KANSL1: variants seen among roughly 807,000 people sequenced by gnomAD.
KANSL1 encodes MLL1/MLL complex subunit KANSL1.
KANSL1 carries 22 observed loss-of-function variants against 103.6 expected under a neutral mutation model. The ratio of observed to expected loss-of-function variants is 0.21; its 90% confidence interval spans 0.15 to 0.30. The LOEUF (loss-of-function observed/expected upper bound fraction) is 0.30. Ranked by LOEUF, KANSL1 falls within the 10% of genes least tolerant of loss-of-function variation. The pLI, the probability that KANSL1 is intolerant of heterozygous loss-of-function variation, is 1.00. For missense variants in KANSL1, 1,337 were observed against 1,399.8 expected (o/e 0.96, Z 0.72); for synonymous variants, 600 against 527.6 (o/e 1.14, Z -1.88).
rs1343422507 is a variant in KANSL1, at chr17:46,171,341, G to A, written c.803C>T (p.Ser268Phe). Residue 268 changes from serine (S) to phenylalanine (F), a missense_variant, in exon 2 of 15, where the codon TCT (serine) becomes TTT (phenylalanine). Around this residue, in one of 2 missense-constraint regions of KANSL1, gnomAD observed 557 missense variants for 476.4 expected, o/e 1.17. Transcript: ENST00000432791. ...LGGVKLEGKK[S>F]PLSSILFSAL... The stretch of plus-strand genomic sequence containing the variant: ...ACTGAAAAGAATGGAAGACAGGGGA[G>A]ACTTTTTACCCTCCAATTTGACACC... The A allele has an allele frequency of 4.3e-6, 7 of 1,614,060 alleles. No homozygotes were observed. In the Admixed American group the frequency reaches 1.0e-4, roughly 23 times the overall value.
intron 2 of KANSL1, among the ~76,000 whole-genome samples, chr17:46,152,582 A>AGG (rs35438677): frequency 6.0e-4 from 60 of 100,648 alleles, no homozygotes; most frequent in Middle Eastern, 5.6e-3. Flanking sequence ...ATAGACACAA[A>AGG]GGGGGGGGGG....
intron 1 of KANSL1, among the ~76,000 whole-genome samples, chr17:46,185,792 T>C (rs1567782188): frequency 6.7e-6 from 1 of 149,672 alleles, no homozygotes; most frequent in Non-Finnish European, 1.5e-5. Flanking sequence ...GAAGTCAAGG[T>C]GGGAGGACTG....
At chr17:46,134,943 A>AG (rs1325650753) in intron 2 of KANSL1, among the ~76,000 whole-genome samples, 2 of 152,150 alleles carry the variant, frequency 1.3e-5, no homozygotes, top group Admixed American at 1.3e-4. Context: ...TTCAAAGTGT[A>AG]GGGGGGTCTG....
chr17:46,134,434 C>T (rs185209143), intron 2 of KANSL1, among the ~76,000 whole-genome samples: 11 of 152,122 alleles, frequency 7.2e-5, no homozygotes, highest in South Asian at 4.1e-4. Flanking sequence ...ACACATTAAA[C>T]GTTTATAATG....
chr17:46,185,922 T>C (rs2147871534), intron 1 of KANSL1, among the ~76,000 whole-genome samples: 1 of 152,270 alleles, frequency 6.6e-6, no homozygotes, highest in African/African-American at 2.4e-5. Context: ...CCTACTTCTA[T>C]GCTAGCACTG....
At chr17:46,152,540 G>A (rs994727039) in intron 2 of KANSL1, among the ~76,000 whole-genome samples, 24 of 138,836 alleles carry the variant, frequency 1.7e-4, no homozygotes, top group African/African-American at 6.2e-4. Context: ...CAGGATGACA[G>A]GCCCTGAATT....
chr17:46,193,784 TG>T, upstream of KANSL1: 2 of 170,116 alleles, frequency 1.2e-5, no homozygotes, highest in Non-Finnish European at 2.6e-5. Flanking sequence ...CCCTCCGTGC[TG>T]GGGCCGGCGG....
At chr17:46,182,784 T>C (rs1321319379) in intron 1 of KANSL1, among the ~76,000 whole-genome samples, 4 of 152,342 alleles carry the variant, frequency 2.6e-5, no homozygotes, top group Admixed American at 6.5e-5. Flanking sequence ...AACTATGAAG[T>C]TGCAGGGGCA....
chr17:46,156,346 C>CA (rs201101055), intron 2 of KANSL1, among the ~76,000 whole-genome samples: 1,841 of 152,104 alleles, frequency 0.012, 21 homozygotes, highest in Non-Finnish European at 0.021. Context: ...GATTCTGTCT[C>CA]AAAAAAACAT....
At chr17:46,155,436 G>T (rs1344762085) in intron 2 of KANSL1, among the ~76,000 whole-genome samples, 1 of 152,176 alleles carries the variant, frequency 6.6e-6, no homozygotes, top group Non-Finnish European at 1.5e-5. Context: ...GAGATTACAG[G>T]TGTGAACCGC....
At chr17:46,095,730 T>C (rs1283780620) in intron 2 of KANSL1, among the ~76,000 whole-genome samples, 1 of 152,144 alleles carries the variant, frequency 6.6e-6, no homozygotes, top group Non-Finnish European at 1.5e-5. Flanking sequence ...GAAAATCTAA[T>C]AAAGTTAAAA....
intron 2 of KANSL1, among the ~76,000 whole-genome samples, chr17:46,153,499 A>C (rs1443571740): frequency 6.6e-6 from 1 of 152,252 alleles, no homozygotes; most frequent in Non-Finnish European, 1.5e-5. Flanking sequence ...TGAAAACAGA[A>C]CAGCATGGGA....
intron 6 of KANSL1, among the ~76,000 whole-genome samples, chr17:46,052,964 C>A (rs10775403): frequency 0.23 from 7,544 of 32,938 alleles, 627 homozygotes; most frequent in African/African-American, 0.4. Context: ...ATCCTGTCTC[C>A]AAAAAAAAAA....
chr17:46,150,839 T>C (rs1213396059), intron 2 of KANSL1, among the ~76,000 whole-genome samples: 3 of 150,130 alleles, frequency 2.0e-5, no homozygotes, highest in African/African-American at 7.4e-5. Context: ...AAACTAGGAA[T>C]AACGACTACA....
intron 3 of KANSL1, 74 bp downstream of exon 3, chr17:46,094,486 T>G: frequency 6.6e-7 from 1 of 1,506,202 alleles, no homozygotes; most frequent in Non-Finnish European, 9.1e-7. Context: ...GGTTACGAGG[T>G]GGGAGGGGAT....
chr17:46,199,901 T>G (rs2047737974), intron 1 of KANSL1, among the ~76,000 whole-genome samples: 1 of 152,220 alleles, frequency 6.6e-6, no homozygotes, highest in Non-Finnish European at 1.5e-5. Context: ...CATCAGCTAT[T>G]GTTAAAATCT....
chr17:46,067,566 G>A lies in KANSL1; in HGVS notation c.1635C>T (p.Val545=), dbSNP rs1302273889. ...AAACTTACGTGTTAATAACTCCATT[G>A]ACAGGTCTGAGTGCTCCACATGATT... ...STKSCGALRP[V]NGVINTLQPV... The change falls in exon 5 of 15, where the codon GTC becomes GTT. Residue 545 remains valine, a synonymous_variant. Transcript: ENST00000432791. The A allele has an allele frequency of 6.3e-7, 1 of 1,591,654 alleles. No homozygotes were observed. Among genetic ancestry groups the A allele is most frequent in the Admixed American group, 1.7e-5 (1 of 59,978 alleles).
chr17:46,183,562 G>GGAGGAGA (rs369462772), intron 1 of KANSL1, among the ~76,000 whole-genome samples: 66 of 111,896 alleles, frequency 5.9e-4, no homozygotes, highest in Admixed American at 1.1e-3. Flanking sequence ...AGAGGAGAGG[G>GGAGGAGA]GAGGAGAGAG....
intron 2 of KANSL1, among the ~76,000 whole-genome samples, chr17:46,137,281 G>A (rs2044195082): frequency 6.6e-6 from 1 of 152,172 alleles, no homozygotes; most frequent in Non-Finnish European, 1.5e-5. Context: ...TCATGCTAAA[G>A]CATTTTCTTA....
Sources: gnomAD v4.1 joint callset for allele counts (sites outside exome capture counted in the v4.1 genomes callset) on GRCh38, gnomAD v4.1.1 for gene constraint, gnomAD v4.1.1 regional missense constraint, MANE v1.5 for transcripts, NCBI Gene and HGNC (gene_info 2026-07-23, HGNC 2026-07-21) for gene names.